Variants in NAT10 observed in about 807,000 individuals in gnomAD.
NAT10 encodes the protein RNA cytidine acetyltransferase.
Under a neutral mutation model 132.2 loss-of-function variants are expected in NAT10, and 109 were observed. The observed-to-expected ratio is 0.82, with a 90% CI of 0.71 to 0.97. The LOEUF (loss-of-function observed/expected upper bound fraction) is 0.97, where lower values mean the gene tolerates loss of function less well. NAT10 is among the 50% of genes least tolerant of loss of function. The pLI is 0.00. For missense variants in NAT10, 1,184 were observed against 1,263.4 expected, an observed-to-expected ratio of 0.94 and a Z score of 0.95; for synonymous variants, 479 against 478.0, an observed-to-expected ratio of 1.00 and a Z score of -0.03.
chr11:34,130,679 T>C, intron 12 of NAT10, 134 bp from the exon 13 acceptor site: 1 of 1,187,946 alleles, frequency 8.4e-7, no homozygotes, highest in Non-Finnish European at 1.2e-6. Flanking sequence ...TGCTGGAAGT[T>C]CAGAGATGAG....
chr11:34,140,322 G>A (rs1421914852), intron 23 of NAT10, 78 bp from the exon 24 acceptor site: 1 of 1,389,084 alleles, frequency 7.2e-7, no homozygotes, highest in Non-Finnish European at 1.0e-6. Flanking sequence ...GTGTGTTAGG[G>A]TGCCGCCTGG....
chr11:34,130,986 A>G (rs1394200736), intron 13 of NAT10, 49 bp downstream of exon 13: 1 of 1,602,544 alleles, frequency 6.2e-7, no homozygotes, highest in South Asian at 1.1e-5. Flanking sequence ...AAGGCCCTTC[A>G]GTCTTACTGA....
Position 34,113,609 on chromosome 11 carries a change from C to T in NAT10, c.373-107C>T, listed in dbSNP as rs1480234614. On this transcript the variant is annotated intron_variant, in intron 4 of 28. Transcript: ENST00000257829. ...CCAAGATTGCGCCACTGCACTCCAGCCTGGGCGACAGAGCAAGACTCCATC... is the reference window on the plus strand; with the variant it reads ...CCAAGATTGCGCCACTGCACTCCAGTCTGGGCGACAGAGCAAGACTCCATC... 4.5e-6 allele frequency: 6 copies of T among 1,347,668 alleles called. No homozygotes were observed. In the African/African-American group the frequency reaches 6.4e-5, roughly 14 times the overall value. The allele number at this position is 1,347,668 out of a possible 1,614,324, so 83.5% of individuals were successfully genotyped here. A position where few individuals can be genotyped will look rare whatever the true frequency, so the allele number is the denominator to read the frequency against.
At chr11:34,117,534 C>T (rs962065455) in intron 6 of NAT10, among the ~76,000 whole-genome samples, 1 of 152,180 alleles carries the variant, frequency 6.6e-6, no homozygotes, top group African/African-American at 2.4e-5. Flanking sequence ...GGGCCTTTCT[C>T]ATTTTAACCA....
chr11:34,137,219 T>C (rs1590779935), intron 21 of NAT10, among the ~76,000 whole-genome samples, 193 bp downstream of exon 21: 2 of 152,172 alleles, frequency 1.3e-5, no homozygotes, highest in African/African-American at 4.8e-5. Context: ...ACACATTTCT[T>C]CTCCGACTAC....
Position 34,123,783 on chromosome 11 carries a change from C to G in NAT10, c.936C>G (p.Thr312=), listed in dbSNP as rs760967933. The change falls in exon 10 of 29, where the codon ACC becomes ACG. Residue 312 remains threonine (T), a synonymous_variant. Transcript: ENST00000257829. ...GTAGGTACTCCAATATCTTTGTTAC[C>G]TCCCCAAGCCCTGATAACCTCCATA... ...VAFGYSNIFV[T]SPSPDNLHTL... is the part of the protein sequence containing the mutation. 6.2e-7 allele frequency: 1 copy of G among 1,607,888 alleles called. No homozygotes were observed. The highest frequency in any genetic ancestry group is 8.5e-7 in the Non-Finnish European group (1 of 1,174,582).
chr11:34,110,849 C>G (rs1208503585), intron 3 of NAT10, among the ~76,000 whole-genome samples: 1 of 151,992 alleles, frequency 6.6e-6, no homozygotes, highest in Admixed American at 6.6e-5. Flanking sequence ...GTGAAAAGTG[C>G]AGAAAACCCA....
chr11:34,131,295 T>C, intron 13 of NAT10, 86 bp from the exon 14 acceptor site: 3 of 1,507,722 alleles, frequency 2.0e-6, no homozygotes, highest in Non-Finnish European at 2.7e-6. Flanking sequence ...GGGACAAATA[T>C]AAAGTGAAAC....
chr11:34,116,501 C>A (rs1851785668), intron 6 of NAT10, among the ~76,000 whole-genome samples: 1 of 152,070 alleles, frequency 6.6e-6, no homozygotes, highest in Admixed American at 6.5e-5. Context: ...TCACTGCAAC[C>A]TTTGCCTCCC....
At position 34,146,351 on chromosome 11, in the gene NAT10, G is replaced by A; in HGVS notation, c.*159G>A. ...GCCTGTGTGTCTGTGAGCTCAACCT[G>A]GCTAAAGGCAGAGTCACTCCCAAAT... On this transcript the variant is annotated 3_prime_UTR_variant, in exon 29 of 29. Transcript: ENST00000257829. 1 of 575,278 alleles carries A rather than the reference G, an allele frequency of 1.7e-6. No homozygotes were observed. Among genetic ancestry groups the A allele is most frequent in the East Asian group, 3.0e-5 (1 of 33,794 alleles). The allele number at this position is 575,278 out of a possible 1,614,324, so 35.6% of individuals were successfully genotyped here.
chr11:34,129,599 C>CTTTTTTTTTTT (rs71037399), intron 12 of NAT10, among the ~76,000 whole-genome samples: 6 of 56,726 alleles, frequency 1.1e-4, no homozygotes, highest in East Asian at 1.2e-3. Flanking sequence ...TCTTCTTCTT[C>CTTTTTTTTTTT]TTTTTTTTTT....
Position 34,140,684 on chromosome 11 carries a change from A to T in NAT10, c.2592+112A>T, listed in dbSNP as rs145321487. 4.0e-6 allele frequency: 5 copies of T among 1,241,518 alleles called. No homozygotes were observed. In the East Asian group the frequency reaches 1.0e-4, roughly 25 times the overall value. The allele number at this position is 1,241,518 out of a possible 1,614,324, so 76.9% of individuals were successfully genotyped here. ...ATTGTGTGCCTTTAATTCCTCATAC[A>T]TCTGATAGGTGGGTAGTGGCATCCT... is the stretch of plus-strand genomic sequence containing the variant. On this transcript the variant is annotated intron_variant, in intron 24 of 28. Coordinates refer to ENST00000257829, the MANE Select transcript of NAT10 (RefSeq NM_024662.3).
At chr11:34,134,177 G>C in intron 16 of NAT10, 142 bp from the exon 17 acceptor site, 1 of 691,788 alleles carries the variant, frequency 1.4e-6, no homozygotes. Context: ...AGAGCGGGGG[G>C]AATGGATGTG....
chr11:34,123,016 G>T (rs1398249201), intron 9 of NAT10, among the ~76,000 whole-genome samples: 1 of 152,210 alleles, frequency 6.6e-6, no homozygotes, highest in Non-Finnish European at 1.5e-5. Context: ...TTTTAGGTGT[G>T]ATGTTAGTTT....
chr11:34,107,609 G>A (rs1851618027), intron 1 of NAT10, among the ~76,000 whole-genome samples: 1 of 152,190 alleles, frequency 6.6e-6, no homozygotes, highest in African/African-American at 2.4e-5. Context: ...CTTGTCATAA[G>A]CATCTATATC....
At chr11:34,109,974 G>T (rs2134151781) in intron 3 of NAT10, among the ~76,000 whole-genome samples, 1 of 152,344 alleles carries the variant, frequency 6.6e-6, no homozygotes, top group South Asian at 2.1e-4. Flanking sequence ...CCAGAGGAGG[G>T]TGGGGTTGGT....
chr11:34,114,538 C>A (rs1009011793), intron 5 of NAT10, among the ~76,000 whole-genome samples: 2 of 152,196 alleles, frequency 1.3e-5, no homozygotes, highest in Non-Finnish European at 2.9e-5. Flanking sequence ...GTCATTACTT[C>A]TCCCTTCATC....
chr11:34,131,003 C>T (rs764168535), intron 13 of NAT10, 66 bp downstream of exon 13: 16 of 1,587,470 alleles, frequency 1.0e-5, no homozygotes, highest in Non-Finnish European at 1.4e-5. Context: ...CTGATCCTCG[C>T]TTCCCCTGTG....
intron 12 of NAT10, among the ~76,000 whole-genome samples, 153 bp downstream of exon 12, chr11:34,127,752 A>G (rs982823757): frequency 6.6e-6 from 1 of 152,226 alleles, no homozygotes; most frequent in Non-Finnish European, 1.5e-5. Context: ...GGGCTTCTGC[A>G]AATGGAAACT....
Sources: gnomAD v4.1 joint callset for allele counts (sites outside exome capture counted in the v4.1 genomes callset) on GRCh38, gnomAD v4.1.1 for gene constraint, MANE v1.5 for transcripts, NCBI Gene and HGNC (gene_info 2026-07-23, HGNC 2026-07-21) for gene names.